Variants in CST9L observed in about 807,000 individuals in gnomAD.
CST9L encodes the protein cystatin 9 like.
In CST9L, 17 loss-of-function variants were observed where a neutral mutation model predicts 13.2. The ratio of observed to expected loss-of-function variants is 1.29; its 90% CI spans 0.88 to 1.93. The LOEUF (loss-of-function observed/expected upper bound fraction) is 1.93. Ranked by LOEUF, CST9L falls within the 30% of genes most tolerant of loss-of-function variation. The pLI, the probability that CST9L is intolerant of heterozygous loss-of-function variation, is 0.00. For synonymous variants in CST9L, 78 were observed against 69.1 expected (o/e 1.13, Z -0.64); for missense variants, 170 against 170.5 (o/e 1.00, Z 0.02).
At chr20:23,566,120 C>G (rs1200569921) in intron 1 of CST9L, 33 bp from the exon 2 acceptor site, 1 of 1,217,112 alleles carries the variant, frequency 8.2e-7, no homozygotes, top group Admixed American at 1.7e-5. Flanking sequence ...TGTGAACACA[C>G]CCTCCTTGTT....
intron 1 of CST9L, among the ~76,000 whole-genome samples, chr20:23,566,331 C>T (rs530117041): frequency 2.0e-5 from 3 of 152,316 alleles, no homozygotes; most frequent in Admixed American, 2.0e-4. Context: ...ACTTCCCACT[C>T]TCCCATGGTG....
At chr20:23,565,894 T>A in intron 2 of CST9L, 80 bp downstream of exon 2, 1 of 829,116 alleles carries the variant, frequency 1.2e-6, no homozygotes, top group South Asian at 1.3e-5. Flanking sequence ...AGTCTCTTTG[T>A]CAGTTGCACC....
rs188751747 is a variant in CST9L, at chr20:23,567,282, G to A, written c.240+929C>T. On this transcript the variant is annotated intron_variant, in intron 1 of 2. Coordinates refer to ENST00000376979, the MANE Select transcript of CST9L (RefSeq NM_080610.3). ...CCCAGCACTTTGGGAGGCCGAGGTG[G>A]GCAGATCATGAGGTCAGGAGTTCAA... Among the ~76,000 whole-genome samples, 7 of 152,104 alleles carry A rather than the reference G, an allele frequency of 4.6e-5. No individual in the cohort carries two copies. In the East Asian group the frequency reaches 1.2e-3, roughly 25 times the overall value.
At chr20:23,565,140 G>C (rs1989073562) in intron 2 of CST9L, 103 bp from the exon 3 acceptor site, 7 of 840,704 alleles carry the variant, frequency 8.3e-6, no homozygotes, top group South Asian at 5.5e-5. Context: ...CCCTTTCCCA[G>C]GTCAAGCAGT....
intron 1 of CST9L, 140 bp from the exon 2 acceptor site, chr20:23,566,227 G>T: frequency 1.5e-6 from 1 of 676,610 alleles, no homozygotes; most frequent in Non-Finnish European, 2.7e-6. Context: ...GGCATCAGGA[G>T]ATCTTCTTTA....
At chr20:23,565,822 C>T (rs560963647) in intron 2 of CST9L, 152 bp downstream of exon 2, 95 of 659,948 alleles carry the variant, frequency 1.4e-4, no homozygotes, top group Admixed American at 8.0e-4. Context: ...TGCCCCTCTG[C>T]GCTCCCCACT....
chr20:23,565,300 C>A (rs530468875), intron 2 of CST9L, among the ~76,000 whole-genome samples: 1 of 152,254 alleles, frequency 6.6e-6, no homozygotes, highest in African/African-American at 2.4e-5. Context: ...CAGGGGAACC[C>A]CGGGCTGTCC....
chr20:23,565,587 G>T (rs1247874929), intron 2 of CST9L, among the ~76,000 whole-genome samples: 1 of 152,116 alleles, frequency 6.6e-6, no homozygotes, highest in Non-Finnish European at 1.5e-5. Context: ...CCTGAGAACT[G>T]CATCCACAGA....
intron 1 of CST9L, among the ~76,000 whole-genome samples, chr20:23,567,703 G>C (rs971789109): frequency 6.6e-6 from 1 of 152,118 alleles, no homozygotes; most frequent in Non-Finnish European, 1.5e-5. Flanking sequence ...ACACCAAGGA[G>C]CTCAGAGAAG....
In CST9L at chr20:23,565,023, G is replaced by C. The variant is rs1302296953; in HGVS notation, c.369C>G (p.Phe123Leu). ...STELNNTFTC[F>L]FTISTRPWMT... ...TCCAGGGCCTGGTGCTGATGGTGAA[G>C]AAGCAGGTGAAAGTCTGAGAGAACA... Residue 123 changes from phenylalanine to leucine, a missense_variant, in exon 3 of 3, where the codon TTC becomes TTG. Coordinates refer to ENST00000376979, the MANE Select transcript of CST9L (RefSeq NM_080610.3). The C allele has an allele frequency of 6.2e-7, 1 of 1,613,774 alleles. No homozygotes were observed. The highest frequency in any genetic ancestry group is 1.1e-5 in the South Asian group (1 of 91,074).
At chr20:23,565,753 C>T (rs2295563) in intron 2 of CST9L, among the ~76,000 whole-genome samples, 51,379 of 152,120 alleles carry the variant, frequency 0.34, 9,815 homozygotes, top group East Asian at 0.56. Context: ...AGTGGCATGA[C>T]AGGGCAGAGT....
In CST9L at chr20:23,565,054, A is replaced by C; in HGVS notation, c.355-17T>G. 1 of 1,585,612 alleles carries C rather than the reference A, an allele frequency of 6.3e-7. No homozygotes were observed. On this transcript the variant is annotated splice_polypyrimidine_tract_variant and intron_variant, in intron 2 of 2. Transcript: ENST00000376979. ...GGTGAAAGTCTGAGAGAACAAGCAC[A>C]GGAAGGGACAGTGGGTGAGGGAGGC...
intron 1 of CST9L, among the ~76,000 whole-genome samples, chr20:23,567,804 T>C (rs1989119986): frequency 6.6e-6 from 1 of 152,172 alleles, no homozygotes; most frequent in South Asian, 2.1e-4. Flanking sequence ...CTGTTCTCTT[T>C]TTTAATTTTC....
rs574129729 is a variant in CST9L at position 23,568,431 on chromosome 20, T to G, written c.20A>C (p.Lys7Thr). Residue 7 changes from lysine to threonine, a missense_variant, in exon 1 of 3, where the codon AAG (lysine) becomes ACG (threonine). Physicochemically the swap from Lys to Thr is moderately conservative, Grantham distance 78. Transcript: ENST00000376979. ...CAGCAGCGCCCAGGACAGACCTCCC[T>G]TCCACGGCAGGCCCAGCATGGTGCT... is the stretch of plus-strand genomic sequence containing the variant. MLGLPW[K>T]GGLSWALLLL... 1.2e-6 allele frequency: 2 copies of G among 1,613,970 alleles called. No homozygotes were observed. Among genetic ancestry groups the G allele is most frequent in the African/African-American group, 2.7e-5 (2 of 75,044 alleles).
intron 1 of CST9L, among the ~76,000 whole-genome samples, chr20:23,567,993 G>GT (rs767675927): frequency 8.5e-5 from 13 of 152,068 alleles, no homozygotes; most frequent in Non-Finnish European, 1.8e-4. Context: ...TAAACAATAT[G>GT]TTTTTCATGA....
In CST9L at chr20:23,564,845, C is replaced by G. The variant is rs1029866047; in HGVS notation, c.*103G>C. On this transcript the variant is annotated 3_prime_UTR_variant, in exon 3 of 3. Transcript: ENST00000376979. Reference sequence around the variant, plus strand: ...AACACATGCAAAATAGGATAACAAACAAGTCCAAAGCTGCTCAGCCACTGA... The same window carrying G: ...AACACATGCAAAATAGGATAACAAAGAAGTCCAAAGCTGCTCAGCCACTGA... 1.2e-6 allele frequency: 1 copy of G among 806,086 alleles called. No individual in the cohort carries two copies. The highest frequency in any genetic ancestry group is 1.4e-5 in the South Asian group (1 of 70,516). The allele number at this position is 806,086 out of a possible 1,614,324, so 49.9% of individuals were successfully genotyped here. A position where few individuals can be genotyped will look rare whatever the true frequency, so the allele number is the denominator to read the frequency against.
intron 1 of CST9L, among the ~76,000 whole-genome samples, chr20:23,567,133 G>A (rs13040567): frequency 0.36 from 54,434 of 151,952 alleles, 10,444 homozygotes; most frequent in East Asian, 0.56. Flanking sequence ...GAAGCTTGGT[G>A]CAGGGTTGGG....
chr20:23,565,136 C>T (rs954518394), intron 2 of CST9L, 99 bp from the exon 3 acceptor site: 11 of 867,136 alleles, frequency 1.3e-5, no homozygotes, highest in Non-Finnish European at 2.0e-5. Context: ...ATTGCCCTTT[C>T]CCAGGTCAAG....
At chr20:23,565,834 A>T in intron 2 of CST9L, 140 bp downstream of exon 2, 1 of 693,720 alleles carries the variant, frequency 1.4e-6, no homozygotes, top group Admixed American at 2.0e-5. Flanking sequence ...CTCCCCACTA[A>T]GGCACAAGCA....
Sources: allele counts gnomAD v4.1 joint callset (sites outside exome capture counted in the v4.1 genomes callset), GRCh38; gene constraint gnomAD v4.1.1; transcripts MANE v1.5; gene names NCBI Gene and HGNC (gene_info 2026-07-23, HGNC 2026-07-21).